DIP2C: variants seen among roughly 807,000 people sequenced by gnomAD.
DIP2C encodes the protein DIP2 acetate--CoA ligase C (putative).
DIP2C carries 33 observed loss-of-function variants against 192.4 expected under a neutral mutation model. The ratio of observed to expected loss-of-function variants is 0.17; its 90% confidence interval spans 0.13 to 0.23. The LOEUF (loss-of-function observed/expected upper bound fraction) is 0.23. Among genes scored for constraint, DIP2C ranks in the 10% least tolerant of loss-of-function variants. The pLI, the probability that DIP2C is intolerant of heterozygous loss-of-function variation, is 1.00. For missense variants in DIP2C, 1,537 were observed against 2,110.1 expected (o/e 0.73, Z 5.32); for synonymous variants, 979 against 864.1 (o/e 1.13, Z -2.33).
intron 1 of DIP2C, among the ~76,000 whole-genome samples, chr10:551,520 G>A (rs1460021690): frequency 1.3e-5 from 2 of 152,234 alleles, no homozygotes; most frequent in Admixed American, 6.5e-5. Context: ...TGGCTCAAGA[G>A]GAAGGAGGCC....
At chr10:282,646 T>C (rs539788555) in intron 35 of DIP2C, among the ~76,000 whole-genome samples, 6 of 152,358 alleles carry the variant, frequency 3.9e-5, no homozygotes, top group Non-Finnish European at 7.3e-5. Flanking sequence ...CACTTTTACA[T>C]GTCCATGTCA....
chr10:685,135 CAAAAAA>C (rs140709069), intron 1 of DIP2C, among the ~76,000 whole-genome samples: 121 of 72,906 alleles, frequency 1.7e-3, no homozygotes, highest in African/African-American at 1.9e-3. Flanking sequence ...ACTTGGTCCC[CAAAAAA>C]AAAAAAAAAA....
At chr10:577,322 A>G (rs550722278) in intron 1 of DIP2C, among the ~76,000 whole-genome samples, 2 of 152,362 alleles carry the variant, frequency 1.3e-5, no homozygotes, top group Non-Finnish European at 2.9e-5. Context: ...TAGAGGAAGA[A>G]GAAGTATCGG....
At chr10:578,938 T>C (rs1850369845) in intron 1 of DIP2C, among the ~76,000 whole-genome samples, 1 of 151,832 alleles carries the variant, frequency 6.6e-6, no homozygotes, top group South Asian at 2.1e-4. Context: ...CACTGTAACA[T>C]GTGTACGTGC....
chr10:664,859 C>A (rs995587157), intron 1 of DIP2C: 1 of 151,684 alleles, frequency 6.6e-6, no homozygotes, highest in South Asian at 2.1e-4. Context: ...ACTAAATAGA[C>A]GGGAAAAAAC....
At chr10:628,773 C>A (rs993148558) in intron 1 of DIP2C, 1 of 152,490 alleles carries the variant, frequency 6.6e-6, no homozygotes, top group Admixed American at 6.5e-5. Flanking sequence ...CTCGGGGAAC[C>A]GGAAGCCACA....
At position 625,134 on chromosome 10, in the gene DIP2C, G is replaced by A. The variant is rs560251376; in HGVS notation, c.85+64360C>T. Among the ~76,000 whole-genome samples the A allele has an allele frequency of 7.2e-5, 11 of 152,304 alleles. No individual in the cohort carries two copies. In the South Asian group the frequency reaches 2.1e-3, roughly 29 times the overall value. On this transcript the variant is annotated intron_variant, in intron 1 of 36. Coordinates refer to ENST00000280886, the MANE Select transcript of DIP2C (RefSeq NM_014974.3). ...AACCATGCCACCCTGAATTACAGCCGTGTCCTCAGCGGGTCACTGTTTACG... is the reference window on the plus strand; with the variant it reads ...AACCATGCCACCCTGAATTACAGCCATGTCCTCAGCGGGTCACTGTTTACG...
At chr10:614,608 C>T (rs1395475893) in intron 1 of DIP2C, among the ~76,000 whole-genome samples, 2 of 152,268 alleles carry the variant, frequency 1.3e-5, no homozygotes, top group African/African-American at 4.8e-5. Context: ...ACAAAGACAA[C>T]AGCCACCTAC....
chr10:550,339 A>G (rs1848520599), intron 1 of DIP2C, among the ~76,000 whole-genome samples: 1 of 152,164 alleles, frequency 6.6e-6, no homozygotes, highest in Non-Finnish European at 1.5e-5. Flanking sequence ...GTCTAAAATT[A>G]AATAAAATTA....
chr10:387,660 T>C (rs1194302170), intron 14 of DIP2C, 85 bp downstream of exon 14: 8 of 776,742 alleles, frequency 1.0e-5, no homozygotes, highest in Non-Finnish European at 1.5e-5. Context: ...ACAGACAGTA[T>C]GGGGAGGGGG....
At chr10:434,883 CTT>C (rs1967051599) in intron 4 of DIP2C, among the ~76,000 whole-genome samples, 1 of 152,048 alleles carries the variant, frequency 6.6e-6, no homozygotes, top group Non-Finnish European at 1.5e-5. Context: ...ACTCTGGTTT[CTT>C]TGTTGGGGTT....
At chr10:538,114 CTT>C (rs1335451909) in intron 1 of DIP2C, among the ~76,000 whole-genome samples, 4 of 151,992 alleles carry the variant, frequency 2.6e-5, no homozygotes, top group African/African-American at 9.7e-5. Context: ...AATTTTTAAG[CTT>C]TTTGTTTCTA....
intron 1 of DIP2C, among the ~76,000 whole-genome samples, chr10:675,523 A>C (rs1184364556): frequency 6.6e-6 from 1 of 152,132 alleles, no homozygotes; most frequent in South Asian, 2.1e-4. Flanking sequence ...AAATAGACAA[A>C]CCATTAGCTA....
intron 17 of DIP2C, among the ~76,000 whole-genome samples, chr10:380,137 C>T (rs896343251): frequency 7.4e-6 from 1 of 136,004 alleles, no homozygotes; most frequent in Admixed American, 7.4e-5. Flanking sequence ...GCAGAAGAGG[C>T]TGTCCCTGGA....
chr10:475,656 G>T (rs1168113959), intron 2 of DIP2C, among the ~76,000 whole-genome samples: 2 of 151,968 alleles, frequency 1.3e-5, no homozygotes, highest in Non-Finnish European at 2.9e-5. Context: ...GAAAACAAAT[G>T]AATAAAATAG....
intron 1 of DIP2C, 78 bp from the exon 2 acceptor site, chr10:486,608 C>G (rs1844037360): frequency 1.7e-6 from 2 of 1,189,624 alleles, no homozygotes; most frequent in Admixed American, 2.5e-5. Context: ...CAAGAAGACA[C>G]AGTTATCACA....
intron 29 of DIP2C, among the ~76,000 whole-genome samples, chr10:334,903 C>A (rs2132496565): frequency 6.6e-6 from 1 of 152,242 alleles, no homozygotes. Context: ...TTTAAAACTG[C>A]TTTCACTATT....
chr10:371,643 C>G (rs60465832), intron 17 of DIP2C, among the ~76,000 whole-genome samples: 1 of 150,708 alleles, frequency 6.6e-6, no homozygotes, highest in Middle Eastern at 3.4e-3. Context: ...GAGCAGCACC[C>G]GAGGGAGGCT....
chr10:395,507 C>G (rs1167537591), intron 10 of DIP2C, among the ~76,000 whole-genome samples: 1 of 152,210 alleles, frequency 6.6e-6, no homozygotes, highest in African/African-American at 2.4e-5. Context: ...GGGAGGGTCT[C>G]TGTACTTCAC....
Sources: gnomAD v4.1 joint callset for allele counts (sites outside exome capture counted in the v4.1 genomes callset) on GRCh38, gnomAD v4.1.1 for gene constraint, MANE v1.5 for transcripts, NCBI Gene and HGNC (gene_info 2026-07-23, HGNC 2026-07-21) for gene names.